The following LMX1B variants were observed in gnomAD, a reference collection of about 807,000 sequenced individuals.
LMX1B encodes the protein LIM homeobox transcription factor 1-beta.
In LMX1B, 12 loss-of-function variants were observed where a neutral mutation model predicts 51.4. The observed-to-expected ratio is 0.23, with a 90% CI of 0.15 to 0.38. LMX1B has a LOEUF of 0.38. LMX1B is among the 10% of genes least tolerant of loss of function. The probability of loss-of-function intolerance (pLI) is 1.00; values close to 1 mark genes in which losing one functional copy is unlikely to be tolerated. For missense variants in LMX1B, 445 were observed against 571.1 expected (o/e 0.78, Z 2.25); for synonymous variants, 237 against 235.4 (o/e 1.01, Z -0.06).
At chr9:126,630,156 C>A (rs1181335657) in intron 2 of LMX1B, among the ~76,000 whole-genome samples, 3 of 100,178 alleles carry the variant, frequency 3.0e-5, no homozygotes, top group Non-Finnish European at 6.0e-5. Context: ...AGCAAGACTC[C>A]GTCTCAAAAA....
At chr9:126,655,813 G>T (rs1836105401) in intron 2 of LMX1B, among the ~76,000 whole-genome samples, 1 of 152,166 alleles carries the variant, frequency 6.6e-6, no homozygotes, top group East Asian at 1.9e-4. Context: ...CACAAAGTTG[G>T]GTGCTGCTGT....
chr9:126,651,867 G>C (rs1028755716), intron 2 of LMX1B, among the ~76,000 whole-genome samples: 3 of 152,214 alleles, frequency 2.0e-5, no homozygotes, highest in African/African-American at 7.2e-5. Context: ...AGTCCCCTAT[G>C]AGTAGGACCC....
chr9:126,691,587 C>T (rs1299386722), intron 3 of LMX1B, among the ~76,000 whole-genome samples: 1 of 152,210 alleles, frequency 6.6e-6, no homozygotes, highest in African/African-American at 2.4e-5. Flanking sequence ...TGTGTGCACA[C>T]ACACACCTCT....
intron 2 of LMX1B, among the ~76,000 whole-genome samples, chr9:126,633,918 T>G (rs1835672164): frequency 6.6e-6 from 1 of 152,096 alleles, no homozygotes; most frequent in South Asian, 2.1e-4. Flanking sequence ...TAGTCGGCAG[T>G]CCAAATTCAC....
At chr9:126,651,153 A>ATC (rs997282539) in intron 2 of LMX1B, among the ~76,000 whole-genome samples, 3 of 146,874 alleles carry the variant, frequency 2.0e-5, no homozygotes, top group Admixed American at 6.8e-5. Flanking sequence ...CTCCCTCCCC[A>ATC]TCTCTCTCTC....
At chr9:126,628,463 C>T (rs987828288) in intron 2 of LMX1B, among the ~76,000 whole-genome samples, 1 of 152,162 alleles carries the variant, frequency 6.6e-6, no homozygotes, top group African/African-American at 2.4e-5. Context: ...ATCTACAAGG[C>T]GACAGATCAG....
chr9:126,632,129 C>T (rs902921814), intron 2 of LMX1B, among the ~76,000 whole-genome samples: 11 of 152,160 alleles, frequency 7.2e-5, no homozygotes, highest in African/African-American at 1.9e-4. Flanking sequence ...GCAAAATGCA[C>T]GTAAAGAACC....
In LMX1B at chr9:126,695,708, T is replaced by G; in HGVS notation, c.887-131T>G. ...TGCACCTGGGGAAGGGGCTGGGGAG[T>G]CAGTGTCTGGACAGCTTCAGCCAGA... On this transcript the variant is annotated intron_variant, in intron 6 of 7. Transcript: ENST00000373474. This position sits in a 1 kb window ranked among gnomAD's most constrained non-coding sequence, Gnocchi z 5.2. 2.1e-6 allele frequency: 2 copies of G among 965,022 alleles called. No homozygotes were observed. The highest frequency in any genetic ancestry group is 3.2e-6 in the Non-Finnish European group (2 of 634,108). The allele number at this position is 965,022 out of a possible 1,614,324, so 59.8% of individuals were successfully genotyped here.
chr9:126,687,372 G>A (rs1207149026), intron 2 of LMX1B, among the ~76,000 whole-genome samples: 2 of 152,234 alleles, frequency 1.3e-5, no homozygotes, highest in Non-Finnish European at 2.9e-5. Context: ...AGGATTACAG[G>A]TGTGTGCCAC....
chr9:126,647,022 A>C (rs1835915113), intron 2 of LMX1B, among the ~76,000 whole-genome samples: 1 of 152,192 alleles, frequency 6.6e-6, no homozygotes, highest in African/African-American at 2.4e-5. Flanking sequence ...AACAAATGAG[A>C]TCACTCTTTT....
chr9:126,616,235 G>A (rs186392295), intron 2 of LMX1B, among the ~76,000 whole-genome samples: 2 of 152,306 alleles, frequency 1.3e-5, no homozygotes, highest in Non-Finnish European at 2.9e-5. Context: ...TGGGAGTGAG[G>A]AGCTGACTGA....
At chr9:126,637,822 T>TCCC (rs56108871) in intron 2 of LMX1B, among the ~76,000 whole-genome samples, 2 of 92,056 alleles carry the variant, frequency 2.2e-5, no homozygotes, top group African/African-American at 8.9e-5. Flanking sequence ...GTGCCTGTCC[T>TCCC]CCCCCCCCCC....
At chr9:126,623,585 C>A (rs1030405791) in intron 2 of LMX1B, among the ~76,000 whole-genome samples, 19 of 152,336 alleles carry the variant, frequency 1.2e-4, no homozygotes, top group African/African-American at 3.4e-4. Flanking sequence ...GATTTCCCCC[C>A]CAGGCGGGTC....
intron 2 of LMX1B, among the ~76,000 whole-genome samples, chr9:126,662,979 G>A (rs1220905739): frequency 1.3e-5 from 2 of 152,314 alleles, no homozygotes; most frequent in Middle Eastern, 6.8e-3. Context: ...GGAGGGTGGC[G>A]TTGGCAGTGG....
At chr9:126,629,829 A>G (rs547640939) in intron 2 of LMX1B, among the ~76,000 whole-genome samples, 1 of 151,928 alleles carries the variant, frequency 6.6e-6, no homozygotes, top group African/African-American at 2.4e-5. Context: ...ATGGCACCCT[A>G]GATCTTGATG....
rs890029036 is a variant in LMX1B at position 126,700,984 on chromosome 9, A to C, written c.*4533A>C. The C allele has an allele frequency of 1.3e-5, 2 of 152,360 alleles. No individual in the cohort carries two copies. The highest frequency in any genetic ancestry group is 4.8e-5 in the African/African-American group (2 of 41,464). 9.4% of individuals were successfully genotyped at this position (152,360 alleles called of 1,614,324 possible). On this transcript the variant is annotated 3_prime_UTR_variant, in exon 8 of 8. Transcript: ENST00000373474. ...CAGCAGAAAATGGAAACAACAACAA[A>C]AAAAGATGAGACATCAGTATATTTG...
chr9:126,623,902 C>G (rs1588264116), intron 2 of LMX1B, among the ~76,000 whole-genome samples: 1 of 152,334 alleles, frequency 6.6e-6, no homozygotes, highest in South Asian at 2.1e-4. Context: ...CCCGCGCACC[C>G]CTCCAGGCCC....
At position 126,615,327 on chromosome 9, in the gene LMX1B, C is replaced by T. The variant is rs1327531032; in HGVS notation, c.140-56C>T. The T allele has an allele frequency of 1.4e-5, 19 of 1,378,410 alleles. No homozygotes were observed. The East Asian group carries it at 5.0e-4, about 36-fold the overall frequency. 85.4% of individuals were successfully genotyped at this position (1,378,410 alleles called of 1,614,324 possible). On this transcript the variant is annotated intron_variant, in intron 1 of 7. Coordinates refer to ENST00000373474, the MANE Select transcript of LMX1B (RefSeq NM_001174147.2). This position sits in a 1 kb window ranked among gnomAD's most constrained non-coding sequence, Gnocchi z 6.0. Reference sequence around the variant, plus strand: ...GGCTGTGGGCCCGGTGCGACCGGGACGCCGGGGCTGGGCCGGGCGGCGCTG... The same window carrying T: ...GGCTGTGGGCCCGGTGCGACCGGGATGCCGGGGCTGGGCCGGGCGGCGCTG...
intron 2 of LMX1B, among the ~76,000 whole-genome samples, chr9:126,629,581 C>T (rs530455849): frequency 3.5e-5 from 5 of 142,810 alleles, no homozygotes; most frequent in Non-Finnish European, 7.9e-5. Flanking sequence ...GTTGGTGCCC[C>T]GATGGTGGGC....
Sources: allele counts gnomAD v4.1 joint callset (sites outside exome capture counted in the v4.1 genomes callset), GRCh38; gene constraint gnomAD v4.1.1; non-coding constraint Gnocchi (gnomAD v3.1); transcripts MANE v1.5; gene names NCBI Gene and HGNC (gene_info 2026-07-23, HGNC 2026-07-21).